The following ZNF236 variants were observed in gnomAD, a reference collection of about 807,000 sequenced individuals.
The protein encoded by ZNF236 is regulated by glucose.
Under a neutral mutation model 191.2 loss-of-function variants are expected in ZNF236, and 50 were observed. That is an observed-to-expected ratio of 0.26 (90% CI 0.21 to 0.33). ZNF236 has a LOEUF of 0.33. Among genes scored for constraint, ZNF236 ranks in the 10% least tolerant of loss-of-function variants. The pLI is 1.00. For synonymous variants in ZNF236, 907 were observed against 928.8 expected, an observed-to-expected ratio of 0.98 and a Z score of 0.43; for missense variants, 1,754 against 2,374.5, an observed-to-expected ratio of 0.74 and a Z score of 5.43.
intron 25 of ZNF236, among the ~76,000 whole-genome samples, chr18:76,930,450 A>AT (rs1325594961): frequency 5.9e-5 from 9 of 152,150 alleles, no homozygotes; most frequent in Non-Finnish European, 1.3e-4. Context: ...TGTCCAACAG[A>AT]TTTTTTATTC....
At chr18:76,912,537 G>A (rs996802397) in intron 17 of ZNF236, among the ~76,000 whole-genome samples, 190 bp downstream of exon 17, 1 of 152,190 alleles carries the variant, frequency 6.6e-6, no homozygotes, top group Non-Finnish European at 1.5e-5. Context: ...ACTTTTTACA[G>A]CAGATAAGTG....
At chr18:76,913,995 T>A in intron 18 of ZNF236, 97 bp downstream of exon 18, 2 of 1,320,480 alleles carry the variant, frequency 1.5e-6, no homozygotes, top group Non-Finnish European at 2.1e-6. Context: ...ACTTAAAGTG[T>A]ACAATTCAGT....
intron 1 of ZNF236, 151 bp from the exon 2 acceptor site, chr18:76,849,374 TA>T (rs1568194063): frequency 1.8e-6 from 1 of 560,894 alleles, no homozygotes; most frequent in Non-Finnish European, 3.0e-6. Flanking sequence ...ACATGTCAAT[TA>T]AAAAAATTCA....
At chr18:76,915,436 C>T (rs1198140150) in intron 18 of ZNF236, among the ~76,000 whole-genome samples, 1 of 151,824 alleles carries the variant, frequency 6.6e-6, no homozygotes. Context: ...GTTCTTAAAA[C>T]AATCCCATTT....
chr18:76,855,429 A>G (rs1289275473), intron 3 of ZNF236, among the ~76,000 whole-genome samples: 1 of 152,188 alleles, frequency 6.6e-6, no homozygotes, highest in Non-Finnish European at 1.5e-5. Context: ...CCTTCCAGGG[A>G]CATTCTATGC....
At chr18:76,831,416 T>C (rs906574127) in intron 1 of ZNF236, among the ~76,000 whole-genome samples, 5 of 152,230 alleles carry the variant, frequency 3.3e-5, no homozygotes, top group African/African-American at 1.2e-4. Flanking sequence ...TGTATGGATG[T>C]ATCACATTTA....
intron 1 of ZNF236, among the ~76,000 whole-genome samples, chr18:76,837,722 T>A (rs1040053202): frequency 6.6e-6 from 1 of 152,232 alleles, no homozygotes; most frequent in Non-Finnish European, 1.5e-5. Context: ...ATTACAGGCG[T>A]GACCCACCGC....
chr18:76,956,076 C>T lies in ZNF236; in HGVS notation c.5006C>T (p.Ser1669Leu). 1 of 1,601,552 alleles carries T rather than the reference C, an allele frequency of 6.2e-7. No individual in the cohort carries two copies. The change falls in exon 28 of 31, where the codon TCA (serine) becomes TTA (leucine). Residue 1669 changes from serine (S) to leucine (L), a missense_variant. Transcript: ENST00000320610. The part of the protein sequence containing the change: ...HQCLECDRAF[S>L]SAAVLMHHSK... ...TGCCTGGAGTGTGACCGCGCCTTCT[C>T]ATCGGCGGCGGTGCTCATGCACCAC...
Position 76,968,991 on chromosome 18 carries a change from G to A in ZNF236, c.*652G>A, listed in dbSNP as rs1968853081. On this transcript the variant is annotated 3_prime_UTR_variant, in exon 31 of 31. Transcript: ENST00000320610. ...ATCTGGGGCGTCAACATGGGGACTC[G>A]AGTAAACCTGACCCACCAATAAGGA... 1.0e-6 allele frequency: 1 copy of A among 985,776 alleles called. No individual in the cohort carries two copies. The highest frequency in any genetic ancestry group is 1.2e-6 in the Non-Finnish European group (1 of 829,930). The allele number at this position is 985,776 out of a possible 1,614,324, so 61.1% of individuals were successfully genotyped here.
Position 76,862,460 on chromosome 18 carries a change from C to A in ZNF236, c.364-6225C>A, listed in dbSNP as rs545124141. 5.6e-4 allele frequency among the ~76,000 whole-genome samples: 85 copies of A among 152,218 alleles called. 1 individual carries two copies. Among genetic ancestry groups the A allele is most frequent in the South Asian group, 2.5e-3 (12 of 4,828 alleles). ...GATTTCCCCGGTGCTTGGGCCCAAG[C>A]AGGGAGCTAACCTTGCATCCAGGAG... is the stretch of plus-strand genomic sequence containing the variant. On this transcript the variant is annotated intron_variant, in intron 3 of 30. Coordinates refer to ENST00000320610, the MANE Select transcript of ZNF236 (RefSeq NM_001306089.2).
At chr18:76,903,691 C>A (rs1411437525) in intron 11 of ZNF236, among the ~76,000 whole-genome samples, 1 of 151,992 alleles carries the variant, frequency 6.6e-6, no homozygotes, top group Non-Finnish European at 1.5e-5. Context: ...CGAAAGTTTA[C>A]CCCCAAGCTT....
intron 1 of ZNF236, chr18:76,849,174 A>G (rs1975785319): frequency 5.9e-6 from 1 of 170,384 alleles, no homozygotes; most frequent in African/African-American, 2.4e-5. Flanking sequence ...GTTTGTAGTG[A>G]CTTTGAAACA....
At chr18:76,966,333 TCA>T (rs372462259) in intron 30 of ZNF236, among the ~76,000 whole-genome samples, 86 of 147,562 alleles carry the variant, frequency 5.8e-4, no homozygotes, top group Non-Finnish European at 6.9e-4. Flanking sequence ...CTGCCCCCCT[TCA>T]CACACACACA....
At chr18:76,913,510 A>T (rs565202168) in intron 17 of ZNF236, among the ~76,000 whole-genome samples, 1 of 152,264 alleles carries the variant, frequency 6.6e-6, no homozygotes, top group Non-Finnish European at 1.5e-5. Flanking sequence ...TTTAAGTAAT[A>T]CATTTAAGAC....
chr18:76,842,130 A>G (rs1416219909), intron 1 of ZNF236, among the ~76,000 whole-genome samples: 1 of 152,196 alleles, frequency 6.6e-6, no homozygotes, highest in Non-Finnish European at 1.5e-5. Flanking sequence ...TGTGATTTTT[A>G]CTAAGTGGCT....
At chr18:76,893,713 A>G (rs1051540032) in intron 9 of ZNF236, among the ~76,000 whole-genome samples, 1 of 152,308 alleles carries the variant, frequency 6.6e-6, no homozygotes, top group Admixed American at 6.5e-5. Flanking sequence ...GAATTTTGCC[A>G]TGTTGCCCAG....
At chr18:76,840,158 A>C (rs1364902718) in intron 1 of ZNF236, among the ~76,000 whole-genome samples, 1 of 152,242 alleles carries the variant, frequency 6.6e-6, no homozygotes, top group Non-Finnish European at 1.5e-5. Context: ...ATTTACAGGT[A>C]GTAAAGCAAG....
At position 76,919,322 on chromosome 18, in the gene ZNF236, T is replaced by C. The variant is rs144993247; in HGVS notation, c.3275-454T>C. 1.3e-5 allele frequency among the ~76,000 whole-genome samples: 2 copies of C among 152,302 alleles called. No individual in the cohort carries two copies. The highest frequency in any genetic ancestry group is 4.8e-5 in the African/African-American group (2 of 41,566). On this transcript the variant is annotated intron_variant, in intron 19 of 30. Transcript: ENST00000320610. The surrounding 1 kb of genome is among the most constrained non-coding windows in gnomAD (Gnocchi z 5.3). ...TATTTCTACATATTTATGACGCACA[T>C]GTGATATTTTGTTTCATGTATAGAA...
At chr18:76,935,331 C>T (rs1178821753) in intron 25 of ZNF236, among the ~76,000 whole-genome samples, 1 of 152,200 alleles carries the variant, frequency 6.6e-6, no homozygotes, top group Non-Finnish European at 1.5e-5. Context: ...AGTTGAAATA[C>T]GAAATTTGGC....
Sources: allele counts gnomAD v4.1 joint callset (sites outside exome capture counted in the v4.1 genomes callset), GRCh38; gene constraint gnomAD v4.1.1; non-coding constraint Gnocchi (gnomAD v3.1); transcripts MANE v1.5; gene names NCBI Gene and HGNC (gene_info 2026-07-23, HGNC 2026-07-21).